The following FRMD4A variants were observed in gnomAD, a reference collection of about 807,000 sequenced individuals.
The protein encoded by FRMD4A is FERM domain-containing protein 4A.
A neutral mutation model predicts 129.1 loss-of-function variants in FRMD4A; 29 were observed. The observed-to-expected ratio is 0.22, with a 90% CI of 0.17 to 0.31. The LOEUF is 0.31. Ranked by LOEUF, FRMD4A falls within the 10% of genes least tolerant of loss-of-function variation. The pLI, the probability that FRMD4A is intolerant of heterozygous loss-of-function variation, is 1.00. For missense variants in FRMD4A, 1,272 were observed against 1,375.8 expected (o/e 0.92, Z 1.19); for synonymous variants, 634 against 571.6 (o/e 1.11, Z -1.56).
chr10:13,876,046 T>C (rs990524538), intron 2 of FRMD4A, among the ~76,000 whole-genome samples: 1 of 152,194 alleles, frequency 6.6e-6, no homozygotes, highest in South Asian at 2.1e-4. Context: ...ACAAGCATCA[T>C]TGCTCAAAAT....
chr10:14,027,337 G>T (rs1403467774), intron 2 of FRMD4A, among the ~76,000 whole-genome samples: 1 of 152,138 alleles, frequency 6.6e-6, no homozygotes, highest in South Asian at 2.1e-4. Context: ...ATTTTTTGGG[G>T]GGCTTTAAAA....
chr10:13,671,437 G>C (rs1453316256), intron 16 of FRMD4A, among the ~76,000 whole-genome samples: 1 of 152,128 alleles, frequency 6.6e-6, no homozygotes, highest in Non-Finnish European at 1.5e-5. Flanking sequence ...CTGGGTGACA[G>C]ATCGAGACTC....
intron 3 of FRMD4A, among the ~76,000 whole-genome samples, chr10:13,832,501 C>T (rs545510642): frequency 7.9e-5 from 12 of 152,268 alleles, no homozygotes; most frequent in South Asian, 2.1e-4. Flanking sequence ...GGGGCACCCT[C>T]GGGATTCCGA....
intron 2 of FRMD4A, among the ~76,000 whole-genome samples, chr10:14,192,274 A>C (rs960846193): frequency 6.6e-6 from 1 of 152,240 alleles, no homozygotes; most frequent in Non-Finnish European, 1.5e-5. Context: ...CTGTATACAC[A>C]GACCATTTTG....
chr10:13,772,195 A>AATAAATATTTATTTATAATTATTAT (rs1386973258), intron 6 of FRMD4A, among the ~76,000 whole-genome samples: 1 of 66,346 alleles, frequency 1.5e-5, no homozygotes, highest in African/African-American at 3.6e-5. Context: ...ATTATTATAT[A>AATAAATATTTATTTATAATTATTAT]ATAATAAATA....
At chr10:13,880,642 C>T (rs902677043) in intron 2 of FRMD4A, among the ~76,000 whole-genome samples, 3 of 152,090 alleles carry the variant, frequency 2.0e-5, no homozygotes, top group Non-Finnish European at 4.4e-5. Flanking sequence ...TGGGTGCAAC[C>T]TCTCTTGTTC....
At chr10:13,699,224 GTTT>G (rs1168489802) in intron 14 of FRMD4A, among the ~76,000 whole-genome samples, 2 of 76,270 alleles carry the variant, frequency 2.6e-5, no homozygotes, top group Admixed American at 1.7e-4. Context: ...CTTGGTTATT[GTTT>G]TTTTTTTTTT....
chr10:14,059,469 T>TTCTCTC (rs1369642475), intron 2 of FRMD4A, among the ~76,000 whole-genome samples: 1 of 150,898 alleles, frequency 6.6e-6, no homozygotes, highest in Non-Finnish European at 1.5e-5. Flanking sequence ...CCCTCTCTCT[T>TTCTCTC]TCTCTCTCTT....
Position 13,944,819 on chromosome 10 carries a change from T to C in FRMD4A, c.46-85907A>G, listed in dbSNP as rs147907157. On this transcript the variant is annotated intron_variant, in intron 2 of 24. Coordinates refer to ENST00000357447, the MANE Select transcript of FRMD4A (RefSeq NM_018027.5). ...TAATGATACGTGCCTTCTCTGTCTG[T>C]GCACACAGTGTCAGATAGAAAGCAA... Among the ~76,000 whole-genome samples, 4 of 152,380 alleles carry C rather than the reference T, an allele frequency of 2.6e-5. No homozygotes were observed. The East Asian group carries it at 7.7e-4, about 29-fold the overall frequency.
At chr10:14,130,608 A>T (rs1387111576) in intron 2 of FRMD4A, among the ~76,000 whole-genome samples, 1 of 152,110 alleles carries the variant, frequency 6.6e-6, no homozygotes, top group Admixed American at 6.5e-5. Flanking sequence ...TGGTGTGTAA[A>T]AAGCAGTCCC....
chr10:14,244,385 G>C (rs183112415), intron 2 of FRMD4A, among the ~76,000 whole-genome samples: 175 of 152,304 alleles, frequency 1.1e-3, no homozygotes, highest in Admixed American at 1.8e-3. Flanking sequence ...GAAGCAACAA[G>C]TGTCAGTTCC....
At position 14,306,050 on chromosome 10, in the gene FRMD4A, G is replaced by A. The variant is rs553049691; in HGVS notation, c.45+24008C>T. On this transcript the variant is annotated intron_variant, in intron 2 of 24. Coordinates refer to ENST00000357447, the MANE Select transcript of FRMD4A (RefSeq NM_018027.5). Reference sequence around the variant, plus strand: ...CTAAGGCTTAATACCTAGGTGATGGGATGATGTGTGCAGCAAAGCACCACG... The same window carrying A: ...CTAAGGCTTAATACCTAGGTGATGGAATGATGTGTGCAGCAAAGCACCACG... Among the ~76,000 whole-genome samples, 37 of 152,240 alleles carry A rather than the reference G, an allele frequency of 2.4e-4. No homozygotes were observed. The South Asian group carries it at 7.7e-3, about 32-fold the overall frequency.
At chr10:14,262,913 C>T (rs1022626297) in intron 2 of FRMD4A, among the ~76,000 whole-genome samples, 1 of 152,136 alleles carries the variant, frequency 6.6e-6, no homozygotes, top group African/African-American at 2.4e-5. Flanking sequence ...CTCCTACTCG[C>T]CAGGAAAACC....
intron 2 of FRMD4A, among the ~76,000 whole-genome samples, chr10:13,943,578 G>A (rs1423528492): frequency 1.4e-5 from 2 of 139,780 alleles, no homozygotes; most frequent in African/African-American, 5.3e-5. Flanking sequence ...AACCTGGGAG[G>A]GAGAGGTTGC....
rs200719267 is a variant in FRMD4A, at chr10:14,005,006, ATTTC to A, written c.46-146098_46-146095del. Among the ~76,000 whole-genome samples, 324 of 150,416 alleles carry A rather than the reference ATTTC, an allele frequency of 2.2e-3. 1 individual carries two copies. Among genetic ancestry groups the A allele is most frequent in the African/African-American group, 3.4e-3 (140 of 40,876 alleles). On this transcript the variant is annotated intron_variant, in intron 2 of 24. Coordinates refer to ENST00000357447, the MANE Select transcript of FRMD4A (RefSeq NM_018027.5). ...TCCCATACCAAACGTGGCATTTTAT[ATTTC>A]TTTCTTTCTTTCTTTCTTTCTTTTT...
intron 2 of FRMD4A, among the ~76,000 whole-genome samples, chr10:14,025,441 T>G (rs1832946498): frequency 6.6e-6 from 1 of 152,218 alleles, no homozygotes; most frequent in African/African-American, 2.4e-5. Context: ...TGTACTGGAA[T>G]AAACAAGATA....
chr10:14,088,402 G>A (rs889016934), intron 2 of FRMD4A, among the ~76,000 whole-genome samples: 4 of 150,980 alleles, frequency 2.6e-5, no homozygotes, highest in African/African-American at 4.9e-5. Context: ...AGCCATGATT[G>A]TGCCTCTGCT....
intron 2 of FRMD4A, among the ~76,000 whole-genome samples, chr10:14,144,982 G>T (rs1840006285): frequency 6.6e-6 from 1 of 152,164 alleles, no homozygotes; most frequent in Admixed American, 6.5e-5. Context: ...TTTGACTGAT[G>T]CCTGGTGGAA....
At chr10:14,016,001 A>G (rs1588778845) in intron 2 of FRMD4A, among the ~76,000 whole-genome samples, 1 of 152,312 alleles carries the variant, frequency 6.6e-6, no homozygotes, top group South Asian at 2.1e-4. Flanking sequence ...GTGCTGAGCC[A>G]AGAACTGGGG....
Sources: gnomAD v4.1 joint callset for allele counts (sites outside exome capture counted in the v4.1 genomes callset) on GRCh38, gnomAD v4.1.1 for gene constraint, MANE v1.5 for transcripts, NCBI Gene and HGNC (gene_info 2026-07-23, HGNC 2026-07-21) for gene names.